Variants in GALNT10 observed in about 807,000 individuals in gnomAD.
The protein encoded by GALNT10 is polypeptide N-acetylgalactosaminyltransferase 10.
A neutral mutation model predicts 75.0 loss-of-function variants in GALNT10; 41 were observed. The ratio of observed to expected loss-of-function variants is 0.55; its 90% confidence interval spans 0.43 to 0.71. GALNT10 has a LOEUF of 0.71. Ranked by LOEUF, GALNT10 falls within the 30% of genes least tolerant of loss-of-function variation. The pLI is 0.00. For missense variants in GALNT10, 727 were observed against 818.5 expected (o/e 0.89, Z 1.36); for synonymous variants, 302 against 313.0 (o/e 0.96, Z 0.37).
chr5:154,254,292 A>T (rs1753573565), intron 1 of GALNT10, among the ~76,000 whole-genome samples: 1 of 152,120 alleles, frequency 6.6e-6, no homozygotes. Flanking sequence ...GGATTCAGAG[A>T]TACTGAAGAA....
At chr5:154,313,357 C>T (rs1754550336) in intron 3 of GALNT10, among the ~76,000 whole-genome samples, 1 of 150,214 alleles carries the variant, frequency 6.7e-6, no homozygotes, top group African/African-American at 2.5e-5. Flanking sequence ...CTAGATATGA[C>T]CTAAATAAAA....
chr5:154,330,586 G>A (rs1271856463), intron 4 of GALNT10, among the ~76,000 whole-genome samples: 9 of 152,102 alleles, frequency 5.9e-5, no homozygotes, highest in Admixed American at 5.9e-4. Flanking sequence ...CTTACCCTGT[G>A]GAATAACTCA....
intron 1 of GALNT10, among the ~76,000 whole-genome samples, chr5:154,234,853 T>G (rs562207233): frequency 1.3e-5 from 2 of 152,328 alleles, no homozygotes; most frequent in Admixed American, 1.3e-4. Flanking sequence ...ATGTTCAAGA[T>G]GAGACTGGAC....
At chr5:154,216,597 T>G (rs1752876914) in intron 1 of GALNT10, among the ~76,000 whole-genome samples, 2 of 152,222 alleles carry the variant, frequency 1.3e-5, no homozygotes, top group Non-Finnish European at 2.9e-5. Context: ...TAAATGTTAT[T>G]AATTTGAAAA....
intron 1 of GALNT10, among the ~76,000 whole-genome samples, chr5:154,256,623 A>C (rs909636643): frequency 5.9e-5 from 9 of 152,122 alleles, no homozygotes; most frequent in Admixed American, 5.9e-4. Context: ...GGAGTAGGCA[A>C]TTCTGTAAAA....
At chr5:154,347,233 G>A (rs746787448) in intron 4 of GALNT10, 1 of 473,368 alleles carries the variant, frequency 2.1e-6, no homozygotes, top group Non-Finnish European at 4.1e-6. Context: ...TGAAACTGAG[G>A]ATTAGGAAGG....
At chr5:154,369,808 G>C (rs770156607) in intron 4 of GALNT10, among the ~76,000 whole-genome samples, 24 of 152,228 alleles carry the variant, frequency 1.6e-4, no homozygotes, top group Non-Finnish European at 3.2e-4. Flanking sequence ...ACCAATGCTG[G>C]TGATGCTGCT....
chr5:154,376,196 G>A lies in GALNT10; in HGVS notation c.569-81G>A. On this transcript the variant is annotated intron_variant, in intron 4 of 11. Transcript: ENST00000297107. The surrounding 1 kb of genome is among the most constrained non-coding windows in gnomAD (Gnocchi z 4.1). ...GAAAGCTGTGTCTAGACTGTGAAGT[G>A]CAGTTCACATGTAAGGGAGGAGTCA... 1 of 870,532 alleles carries A rather than the reference G, an allele frequency of 1.1e-6. No homozygotes were observed. The highest frequency in any genetic ancestry group is 1.9e-6 in the Non-Finnish European group (1 of 524,284). The allele number at this position is 870,532 out of a possible 1,614,324, so 53.9% of individuals were successfully genotyped here. A position where few individuals can be genotyped will look rare whatever the true frequency, so the allele number is the denominator to read the frequency against.
intron 7 of GALNT10, chr5:154,387,913 T>TG: frequency 6.6e-6 from 1 of 150,602 alleles, no homozygotes; most frequent in Non-Finnish European, 1.5e-5. Flanking sequence ...TCTTTTGTTT[T>TG]TTTTTTTTTG....
At chr5:154,356,401 G>A (rs1755299399) in intron 4 of GALNT10, 1 of 320,750 alleles carries the variant, frequency 3.1e-6, no homozygotes, top group African/African-American at 2.2e-5. Context: ...GGCTCTGGGA[G>A]AGGGATCTGA....
intron 7 of GALNT10, 84 bp from the exon 8 acceptor site, chr5:154,404,020 T>C: frequency 2.0e-6 from 2 of 1,004,164 alleles, no homozygotes; most frequent in Non-Finnish European, 3.2e-6. Context: ...ATGCTTTTGC[T>C]GAGTGCACTA....
At chr5:154,378,344 T>C (rs77805440) in intron 5 of GALNT10, among the ~76,000 whole-genome samples, 2 of 65,048 alleles carry the variant, frequency 3.1e-5, no homozygotes, top group African/African-American at 1.3e-4. Flanking sequence ...TCATCATCAT[T>C]ATCACGGCTC....
At position 154,219,815 on chromosome 5, in the gene GALNT10, C is replaced by CTCTCTCTCTT. The variant is rs1491046436; in HGVS notation, c.159+28799_159+28800insTTCTCTCTCT. 426 of 111,144 alleles carry CTCTCTCTCTT rather than the reference C, an allele frequency of 3.8e-3. 1 individual carries two copies. Among genetic ancestry groups the CTCTCTCTCTT allele is most frequent in the African/African-American group, 0.019 (396 of 21,190 alleles). 6.9% of individuals were successfully genotyped at this position (111,144 alleles called of 1,614,324 possible). ...AAGATCTCAAACACTCTCTCGCGCT[C>CTCTCTCTCTT]TCTCTCTCTCTCTCTCTCTCTCTCA... On this transcript the variant is annotated intron_variant, in intron 1 of 11. Transcript: ENST00000297107.
At chr5:154,256,627 T>A (rs940985334) in intron 1 of GALNT10, among the ~76,000 whole-genome samples, 2 of 152,136 alleles carry the variant, frequency 1.3e-5, no homozygotes, top group African/African-American at 4.8e-5. Context: ...TAGGCAATTC[T>A]GTAAAAGAGA....
At chr5:154,297,313 G>A (rs954763881) in intron 2 of GALNT10, among the ~76,000 whole-genome samples, 11 of 152,138 alleles carry the variant, frequency 7.2e-5, no homozygotes, top group African/African-American at 2.7e-4. Context: ...TTTGTTTGCT[G>A]CCCTAAAAAC....
chr5:154,270,881 C>G (rs1454356880), intron 1 of GALNT10, among the ~76,000 whole-genome samples: 1 of 151,462 alleles, frequency 6.6e-6, no homozygotes, highest in East Asian at 2.0e-4. Context: ...GTAGTCCCAG[C>G]TACTCGGGAG....
intron 4 of GALNT10, among the ~76,000 whole-genome samples, chr5:154,359,025 T>G (rs27153): frequency 6.6e-6 from 1 of 151,994 alleles, no homozygotes; most frequent in Non-Finnish European, 1.5e-5. Context: ...AATCATTCGG[T>G]GTTGAAGGTT....
chr5:154,298,062 A>G lies in GALNT10; in HGVS notation c.384A>G (p.Pro128=). The G allele has an allele frequency of 3.1e-6, 5 of 1,613,288 alleles. No individual in the cohort carries two copies. Among genetic ancestry groups the G allele is most frequent in the Non-Finnish European group, 4.2e-6 (5 of 1,179,480 alleles). Reference sequence around the variant, plus strand: ...AAATCTCCTTGAATCGCTCTCTCCCAGATATCCGGCACCCAAAGTGAGTGT... The same window carrying G: ...AAATCTCCTTGAATCGCTCTCTCCCGGATATCCGGCACCCAAAGTGAGTGT... ...SDKISLNRSL[P]DIRHPNCNSK... is the part of the protein sequence containing the mutation. The change falls in exon 3 of 12, where the codon CCA becomes CCG. Residue 128 remains proline, a synonymous_variant. Transcript: ENST00000297107. The surrounding 1 kb of genome is among the most constrained non-coding windows in gnomAD (Gnocchi z 4.1).
At chr5:154,221,282 T>G (rs1752974432) in intron 1 of GALNT10, among the ~76,000 whole-genome samples, 1 of 152,190 alleles carries the variant, frequency 6.6e-6, no homozygotes, top group Non-Finnish European at 1.5e-5. Context: ...ATTTTTTAGC[T>G]CTTCTCTTAA....
Sources: allele counts gnomAD v4.1 joint callset (sites outside exome capture counted in the v4.1 genomes callset), GRCh38; gene constraint gnomAD v4.1.1; non-coding constraint Gnocchi (gnomAD v3.1); transcripts MANE v1.5; gene names NCBI Gene and HGNC (gene_info 2026-07-23, HGNC 2026-07-21).